The following AKT3 variants were observed in gnomAD, a reference collection of about 807,000 sequenced individuals.
AKT3 encodes the protein AKT serine/threonine kinase 3, also known as RAC-gamma serine/threonine-protein kinase.
AKT3 carries 15 observed loss-of-function variants against 65.3 expected under a neutral mutation model. That is an observed-to-expected ratio of 0.23 (90% CI 0.15 to 0.35). AKT3 has a LOEUF of 0.35. AKT3 is among the 10% of genes least tolerant of loss of function. The pLI, the probability that AKT3 is intolerant of heterozygous loss-of-function variation, is 1.00. For missense variants in AKT3, 243 were observed against 576.5 expected, an observed-to-expected ratio of 0.42 and a Z score of 5.92; for synonymous variants, 206 against 183.8, an observed-to-expected ratio of 1.12 and a Z score of -0.98.
intron 2 of AKT3, among the ~76,000 whole-genome samples, chr1:243,789,174 T>C (rs1691460462): frequency 6.6e-6 from 1 of 152,088 alleles, no homozygotes; most frequent in African/African-American, 2.4e-5. Context: ...AGCGAGGAGT[T>C]CGAAAACAGC....
chr1:243,778,447 A>T (rs559542421), intron 2 of AKT3, among the ~76,000 whole-genome samples: 63 of 152,298 alleles, frequency 4.1e-4, no homozygotes, highest in Non-Finnish European at 6.3e-4. Flanking sequence ...AGCATACACA[A>T]ATATAAAACA....
At chr1:243,529,148 C>CT (rs1057499486) in intron 12 of AKT3, among the ~76,000 whole-genome samples, 1,437 of 128,146 alleles carry the variant, frequency 0.011, 15 homozygotes, top group East Asian at 0.027. Context: ...TGTAATGGAG[C>CT]TTTTTTTTTT....
intron 3 of AKT3, among the ~76,000 whole-genome samples, chr1:243,686,649 ATATTTTTTTTTTTTTTTTTTTT>A: frequency 4.4e-5 from 1 of 22,496 alleles, no homozygotes; most frequent in Non-Finnish European, 9.5e-5. Flanking sequence ...ATATATATAT[ATATTTTTTTTTTTTTTTTTTTT>A]TTTTTTTTTT....
At chr1:243,497,380 T>C (rs1240215474), downstream of AKT3, among the ~76,000 whole-genome samples, 1 of 137,284 alleles carries the variant, frequency 7.3e-6, no homozygotes, top group African/African-American at 2.8e-5. Context: ...TTCAACAGTG[T>C]GAAAGTGGGG....
intron 4 of AKT3, among the ~76,000 whole-genome samples, chr1:243,656,666 G>A (rs1250382673): frequency 6.6e-6 from 1 of 152,204 alleles, no homozygotes; most frequent in African/African-American, 2.4e-5. Context: ...GGTAATGTAA[G>A]AGCACAGTAT....
chr1:243,537,633 T>C (rs534217926), intron 12 of AKT3, among the ~76,000 whole-genome samples: 6 of 152,326 alleles, frequency 3.9e-5, no homozygotes, highest in Non-Finnish European at 7.4e-5. Context: ...CATAAGAGTC[T>C]ATTCCAACAA....
chr1:243,696,642 C>A (rs975318134), intron 2 of AKT3, among the ~76,000 whole-genome samples: 1 of 152,010 alleles, frequency 6.6e-6, no homozygotes, highest in Admixed American at 6.6e-5. Context: ...ATTTTCCCTA[C>A]AAATCAGCTT....
intron 9 of AKT3, 33 bp from the exon 10 acceptor site, chr1:243,563,881 T>C (rs1362599484): frequency 6.3e-7 from 1 of 1,583,356 alleles, no homozygotes; most frequent in Non-Finnish European, 8.6e-7. Context: ...TAATTTGTTC[T>C]ATAGTCTTCA....
chr1:243,840,006 T>C (rs1201351096), intron 2 of AKT3, among the ~76,000 whole-genome samples: 1 of 151,236 alleles, frequency 6.6e-6, no homozygotes, highest in Admixed American at 6.6e-5. Context: ...CACGGTGAAA[T>C]CTCGTCTCTA....
At chr1:243,743,130 G>A (rs931984435) in intron 2 of AKT3, among the ~76,000 whole-genome samples, 1 of 152,162 alleles carries the variant, frequency 6.6e-6, no homozygotes, top group Non-Finnish European at 1.5e-5. Context: ...ACATAGAAAA[G>A]TTGGTCTCCA....
chr1:243,599,173 A>AACTTT (rs1162466520), intron 8 of AKT3, among the ~76,000 whole-genome samples: 1 of 151,666 alleles, frequency 6.6e-6, no homozygotes, highest in Non-Finnish European at 1.5e-5. Flanking sequence ...TCTCACACAA[A>AACTTT]TAAAAGCTAA....
At chr1:243,698,279 A>G (rs1006360351) in intron 2 of AKT3, among the ~76,000 whole-genome samples, 1 of 152,140 alleles carries the variant, frequency 6.6e-6, no homozygotes, top group Non-Finnish European at 1.5e-5. Flanking sequence ...CTGTAAAGGT[A>G]AATCACAATA....
intron 4 of AKT3, among the ~76,000 whole-genome samples, chr1:243,651,713 T>C (rs944904099): frequency 2.6e-5 from 4 of 152,318 alleles, no homozygotes; most frequent in East Asian, 3.9e-4. Context: ...TTTGTGTATG[T>C]TGCACCAGCC....
intron 13 of AKT3, among the ~76,000 whole-genome samples, chr1:243,492,561 C>T (rs1463009333): frequency 6.7e-6 from 1 of 150,164 alleles, no homozygotes; most frequent in East Asian, 2.0e-4. Context: ...ACCTTAGCCT[C>T]CTAAAGTGCT....
chr1:243,713,534 G>A (rs1024800223), intron 2 of AKT3, among the ~76,000 whole-genome samples: 6 of 151,778 alleles, frequency 4.0e-5, no homozygotes, highest in Admixed American at 1.3e-4. Context: ...ATGTTTATGC[G>A]TCTCTCCAAA....
At chr1:243,573,175 AGCAC>A in intron 8 of AKT3, 127 bp from the exon 9 acceptor site, 2 of 1,118,868 alleles carry the variant, frequency 1.8e-6, no homozygotes, top group Non-Finnish European at 2.5e-6. Flanking sequence ...GTGGACACTG[AGCAC>A]TCTTAGACAG....
At chr1:243,624,499 T>C (rs1012296565) in intron 6 of AKT3, among the ~76,000 whole-genome samples, 1 of 152,118 alleles carries the variant, frequency 6.6e-6, no homozygotes, top group Admixed American at 6.5e-5. Flanking sequence ...AGGTTAAAAT[T>C]AGGCTAACTG....
intron 2 of AKT3, among the ~76,000 whole-genome samples, chr1:243,747,917 A>C (rs1040677494): frequency 5.9e-5 from 9 of 152,200 alleles, no homozygotes; most frequent in African/African-American, 2.2e-4. Context: ...GCAAGCACTG[A>C]AATATACCTA....
chr1:243,682,869 T>C (rs1383492969), intron 3 of AKT3, among the ~76,000 whole-genome samples: 1 of 152,226 alleles, frequency 6.6e-6, no homozygotes, highest in Non-Finnish European at 1.5e-5. Flanking sequence ...AAGAAGCTTT[T>C]CTTGATGATT....
Sources: gnomAD v4.1 joint callset for allele counts (sites outside exome capture counted in the v4.1 genomes callset) on GRCh38, gnomAD v4.1.1 for gene constraint, MANE v1.5 for transcripts, NCBI Gene and HGNC (gene_info 2026-07-23, HGNC 2026-07-21) for gene names.